ZCCHC7: variants seen among roughly 807,000 people sequenced by gnomAD.
ZCCHC7 encodes the protein zinc finger CCHC domain-containing protein 7.
A neutral mutation model predicts 52.0 loss-of-function variants in ZCCHC7; 35 were observed. That is an observed-to-expected ratio of 0.67 (90% CI 0.51 to 0.89). The LOEUF is 0.89. Ranked by LOEUF, ZCCHC7 falls within the 40% of genes least tolerant of loss-of-function variation. The probability of loss-of-function intolerance (pLI) is 0.00; values close to 1 mark genes in which losing one functional copy is unlikely to be tolerated. For missense variants in ZCCHC7, 574 were observed against 649.1 expected (o/e 0.88, Z 1.26); for synonymous variants, 217 against 221.5 (o/e 0.98, Z 0.18).
chr9:37,180,873 C>T (rs1822314255), intron 2 of ZCCHC7, among the ~76,000 whole-genome samples: 1 of 152,040 alleles, frequency 6.6e-6, no homozygotes, highest in South Asian at 2.1e-4. Context: ...GATATTTAAT[C>T]TCTAATTAGT....
intron 2 of ZCCHC7, among the ~76,000 whole-genome samples, chr9:37,156,408 GGA>G (rs1259440294): frequency 6.6e-6 from 1 of 152,102 alleles, no homozygotes; most frequent in Admixed American, 6.5e-5. Context: ...GTTCCCAAAG[GGA>G]GAGATCATAT....
intron 2 of ZCCHC7, among the ~76,000 whole-genome samples, chr9:37,137,266 A>T (rs763004487): frequency 5.8e-4 from 88 of 152,338 alleles, no homozygotes; most frequent in Non-Finnish European, 1.1e-3. Context: ...TAGATTTTTT[A>T]AAAAGATTAA....
At chr9:37,281,402 TG>T in intron 2 of ZCCHC7, among the ~76,000 whole-genome samples, 1 of 152,262 alleles carries the variant, frequency 6.6e-6, no homozygotes, top group East Asian at 1.9e-4. Context: ...GTTTTGTGTG[TG>T]TTTTCCTCTT....
chr9:37,325,361 A>G (rs72737783), intron 5 of ZCCHC7, among the ~76,000 whole-genome samples: 80 of 152,368 alleles, frequency 5.3e-4, no homozygotes, highest in Non-Finnish European at 8.8e-4. Flanking sequence ...TTGAATTTGC[A>G]TCTTAGATGA....
chr9:37,266,373 TG>T (rs1454938420), intron 2 of ZCCHC7, among the ~76,000 whole-genome samples: 3 of 152,226 alleles, frequency 2.0e-5, no homozygotes, highest in Non-Finnish European at 1.5e-5. Context: ...TAAATTTATT[TG>T]TTTTTTTAAA....
At chr9:37,323,946 T>C (rs1411929305) in intron 5 of ZCCHC7, among the ~76,000 whole-genome samples, 1 of 152,200 alleles carries the variant, frequency 6.6e-6, no homozygotes, top group Non-Finnish European at 1.5e-5. Context: ...GTAGGGGCGT[T>C]CTTTTTAATA....
At chr9:37,333,648 C>G (rs573286071) in intron 6 of ZCCHC7, among the ~76,000 whole-genome samples, 39 of 151,698 alleles carry the variant, frequency 2.6e-4, no homozygotes, top group Non-Finnish European at 5.6e-4. Flanking sequence ...TTCCTCTCTT[C>G]CCCATGTGTG....
chr9:37,218,276 T>G (rs1402445665), intron 2 of ZCCHC7, among the ~76,000 whole-genome samples: 1 of 152,138 alleles, frequency 6.6e-6, no homozygotes, highest in Non-Finnish European at 1.5e-5. Flanking sequence ...CAACTACAAT[T>G]AAATAATAAG....
intron 2 of ZCCHC7, among the ~76,000 whole-genome samples, chr9:37,251,232 C>T (rs533327189): frequency 5.9e-5 from 9 of 151,570 alleles, no homozygotes; most frequent in African/African-American, 2.2e-4. Context: ...TCTTTCCTGT[C>T]CTCAACTATG....
chr9:37,342,076 G>A (rs1820670174), intron 6 of ZCCHC7, among the ~76,000 whole-genome samples: 1 of 152,130 alleles, frequency 6.6e-6, no homozygotes, highest in Admixed American at 6.6e-5. Flanking sequence ...TAGAGGGCAG[G>A]GATAGAAGCG....
At chr9:37,194,633 A>G (rs1453636162) in intron 2 of ZCCHC7, among the ~76,000 whole-genome samples, 1 of 152,118 alleles carries the variant, frequency 6.6e-6, no homozygotes, top group Non-Finnish European at 1.5e-5. Flanking sequence ...TATTCTTTTT[A>G]AAGGGAAGAT....
At chr9:37,246,995 G>C (rs1176315045) in intron 2 of ZCCHC7, among the ~76,000 whole-genome samples, 3 of 152,068 alleles carry the variant, frequency 2.0e-5, no homozygotes, top group Non-Finnish European at 4.4e-5. Context: ...ATCGTTAACT[G>C]TACTCACCAT....
Position 37,265,235 on chromosome 9 carries a change from C to CT in ZCCHC7, c.611-36950dup, listed in dbSNP as rs533621885. On this transcript the variant is annotated intron_variant, in intron 2 of 8. Transcript: ENST00000336755. ...TACATTTGCCTTCTCCTTTTTCATG[C>CT]TTTCAGTTTAAATAAAAGTAAGTAG... Among the ~76,000 whole-genome samples the CT allele has an allele frequency of 1.9e-4, 29 of 152,240 alleles. No individual in the cohort carries two copies. The East Asian group carries it at 5.6e-3, about 29-fold the overall frequency.
At chr9:37,281,502 G>A (rs778646138) in intron 2 of ZCCHC7, among the ~76,000 whole-genome samples, 10 of 152,042 alleles carry the variant, frequency 6.6e-5, no homozygotes, top group South Asian at 2.1e-4. Flanking sequence ...TCTCCACTTC[G>A]TATATAGTGT....
At chr9:37,129,139 A>T (rs1021924336) in intron 2 of ZCCHC7, among the ~76,000 whole-genome samples, 1 of 152,238 alleles carries the variant, frequency 6.6e-6, no homozygotes, top group Non-Finnish European at 1.5e-5. Flanking sequence ...TTCCTTTGAA[A>T]CAACTCCCTG....
chr9:37,266,746 CA>C (rs1827123531), intron 2 of ZCCHC7, among the ~76,000 whole-genome samples: 1 of 152,094 alleles, frequency 6.6e-6, no homozygotes, highest in African/African-American at 2.4e-5. Flanking sequence ...TAGTGGTACA[CA>C]CCTGTAATCT....
chr9:37,249,332 T>C (rs931895393), intron 2 of ZCCHC7, among the ~76,000 whole-genome samples: 1 of 152,108 alleles, frequency 6.6e-6, no homozygotes, highest in African/African-American at 2.4e-5. Flanking sequence ...CTATTCTCTT[T>C]ATCAAACATA....
intron 1 of ZCCHC7, among the ~76,000 whole-genome samples, chr9:37,122,142 A>T (rs1842344555): frequency 6.6e-6 from 1 of 152,212 alleles, no homozygotes; most frequent in Non-Finnish European, 1.5e-5. Context: ...AGATATTTGG[A>T]AGTAAATAAG....
chr9:37,218,702 A>G (rs1824647351), intron 2 of ZCCHC7, among the ~76,000 whole-genome samples: 2 of 152,140 alleles, frequency 1.3e-5, no homozygotes, highest in South Asian at 4.1e-4. Context: ...CCAGCTACTC[A>G]GGAGGCTGAA....
Sources: gnomAD v4.1 joint callset for allele counts (sites outside exome capture counted in the v4.1 genomes callset) on GRCh38, gnomAD v4.1.1 for gene constraint, MANE v1.5 for transcripts, NCBI Gene and HGNC (gene_info 2026-07-23, HGNC 2026-07-21) for gene names.